Variants in STK10 observed in about 807,000 individuals in gnomAD.
STK10 encodes the protein serine/threonine-protein kinase 10.
STK10 carries 78 observed loss-of-function variants against 113.8 expected under a neutral mutation model. The ratio of observed to expected loss-of-function variants is 0.69; its 90% CI spans 0.57 to 0.83. The LOEUF (loss-of-function observed/expected upper bound fraction) is 0.83. STK10 is among the 40% of genes least tolerant of loss of function. STK10 has a pLI of 0.00. For missense variants in STK10, 1,109 were observed against 1,280.1 expected, an observed-to-expected ratio of 0.87 and a Z score of 2.04; for synonymous variants, 465 against 494.7, an observed-to-expected ratio of 0.94 and a Z score of 0.80.
At chr5:172,065,495 G>T (rs1214273293) in intron 12 of STK10, among the ~76,000 whole-genome samples, 1 of 152,050 alleles carries the variant, frequency 6.6e-6, no homozygotes, top group Non-Finnish European at 1.5e-5. Context: ...AAAGTGCAGG[G>T]ATTACAGGCA....
Position 172,056,617 on chromosome 5 carries a change from T to C in STK10, c.2337+732A>G, listed in dbSNP as rs189594718. Among the ~76,000 whole-genome samples the C allele has an allele frequency of 1.7e-3, 255 of 151,986 alleles. 2 individuals carry two copies. In the East Asian group the frequency reaches 0.042, roughly 25 times the overall value. ...GCACAGTGGCTCACGCCTGTAATCC[T>C]GGCACTTTGGGAGGCCAAGGCGGGC... On this transcript the variant is annotated intron_variant, in intron 15 of 18. Coordinates refer to ENST00000176763, the MANE Select transcript of STK10 (RefSeq NM_005990.4).
Position 172,093,446 on chromosome 5 carries a change from G to A in STK10, c.1520C>T (p.Ser507Leu), listed in dbSNP as rs780841587. The change falls in exon 9 of 19, where the codon TCG (serine) becomes TTG (leucine). Residue 507 changes from serine (S) to leucine (L), a missense_variant. Physicochemically the swap from Ser to Leu is moderately radical, Grantham distance 145 (BLOSUM62 -2). Transcript: ENST00000176763. This position sits in a 1 kb window ranked among gnomAD's most constrained non-coding sequence, Gnocchi z 4.1. ...CAGAGAGCCCATCTCTTTGTTCAGC[G>A]ACAGGTCAGTGGAGAGATTGGTACC... ...DYGTNLSTDL[S>L]LNKEMGSLSI... 2.5e-6 allele frequency: 4 copies of A among 1,609,898 alleles called. No individual in the cohort carries two copies. Among genetic ancestry groups the A allele is most frequent in the African/African-American group, 1.3e-5 (1 of 74,864 alleles).
chr5:172,187,653 C>A lies in STK10; in HGVS notation c.156+234G>T, dbSNP rs1175299189. Among the ~76,000 whole-genome samples the A allele has an allele frequency of 6.6e-6, 1 of 152,242 alleles. No individual in the cohort carries two copies. Among genetic ancestry groups the A allele is most frequent in the Non-Finnish European group, 1.5e-5 (1 of 68,046 alleles). On this transcript the variant is annotated intron_variant, in intron 1 of 18. Coordinates refer to ENST00000176763, the MANE Select transcript of STK10 (RefSeq NM_005990.4). This position sits in a 1 kb window ranked among gnomAD's most constrained non-coding sequence, Gnocchi z 4.6. ...ACACAGGAAGTGCTCCGAAACAGGG[C>A]TAGGGTGGGGGCGGCAACCGTGCCC... is the stretch of plus-strand genomic sequence containing the variant.
intron 15 of STK10, 198 bp downstream of exon 15, chr5:172,057,151 C>T: frequency 1.5e-6 from 1 of 656,552 alleles, no homozygotes; most frequent in Non-Finnish European, 2.5e-6. Flanking sequence ...ATCGTTTCCC[C>T]TATTCCTAGC....
chr5:172,059,974 C>T (rs1023690789), intron 14 of STK10, among the ~76,000 whole-genome samples: 3 of 152,178 alleles, frequency 2.0e-5, no homozygotes, highest in Non-Finnish European at 2.9e-5. Flanking sequence ...ATGATCTAAA[C>T]GTTTGTGTCC....
intron 12 of STK10, among the ~76,000 whole-genome samples, chr5:172,079,686 G>A (rs1241605329): frequency 5.3e-5 from 8 of 151,942 alleles, no homozygotes; most frequent in East Asian, 1.9e-4. Flanking sequence ...TCAGCCTCCC[G>A]AGTAGCTGGG....
rs1191492490 is a variant in STK10 at position 172,188,084 on chromosome 5, C to A, written c.-42G>T. The A allele has an allele frequency of 1.3e-6, 2 of 1,596,510 alleles. No homozygotes were observed. The highest frequency in any genetic ancestry group is 3.5e-5 in the Admixed American group (2 of 57,340). Reference sequence around the variant, plus strand: ...GCGCCGGCTCGGGCTCGGGCTCGGGCTCGGGCTGTGGCTTCGGCGGCCGCG... The same window carrying A: ...GCGCCGGCTCGGGCTCGGGCTCGGGATCGGGCTGTGGCTTCGGCGGCCGCG... On this transcript the variant is annotated 5_prime_UTR_variant, in exon 1 of 19. Coordinates refer to ENST00000176763, the MANE Select transcript of STK10 (RefSeq NM_005990.4). The surrounding 1 kb of genome is among the most constrained non-coding windows in gnomAD (Gnocchi z 5.6).
At chr5:172,117,365 G>C (rs1769410304) in intron 4 of STK10, 116 bp downstream of exon 4, 1 of 1,205,882 alleles carries the variant, frequency 8.3e-7, no homozygotes, top group Admixed American at 2.2e-5. Flanking sequence ...AGAGGGCGTA[G>C]GCGTGAGGAC....
At chr5:172,117,701 G>GC (rs1769418256) in intron 3 of STK10, 71 bp from the exon 4 acceptor site, 4 of 1,583,594 alleles carry the variant, frequency 2.5e-6, no homozygotes, top group Middle Eastern at 3.7e-4. Flanking sequence ...TCAGGCCCAC[G>GC]CCAGGGAGAA....
At position 172,187,110 on chromosome 5, in the gene STK10, A is replaced by T. The variant is rs919214114; in HGVS notation, c.156+777T>A. Among the ~76,000 whole-genome samples the T allele has an allele frequency of 2.0e-5, 3 of 152,296 alleles. No individual in the cohort carries two copies. The highest frequency in any genetic ancestry group is 2.0e-4 in the Admixed American group (3 of 15,296). On this transcript the variant is annotated intron_variant, in intron 1 of 18. Transcript: ENST00000176763. This position sits in a 1 kb window ranked among gnomAD's most constrained non-coding sequence, Gnocchi z 4.6. Reference sequence around the variant, plus strand: ...ACTCACCACCTCAGAATTAGCTCCCAGGAGCAGAAACCAACGTCCTGCTGC... The same window carrying T: ...ACTCACCACCTCAGAATTAGCTCCCTGGAGCAGAAACCAACGTCCTGCTGC...
chr5:172,138,001 A>G (rs981554510), intron 2 of STK10, among the ~76,000 whole-genome samples: 6 of 152,162 alleles, frequency 3.9e-5, no homozygotes, highest in African/African-American at 1.2e-4. Flanking sequence ...GATCACGAAC[A>G]AGGCAAAAAT....
In STK10 at chr5:172,093,523, G is replaced by A. The variant is rs1180039945; in HGVS notation, c.1443C>T (p.Ser481=). Residue 481 remains serine (S), a synonymous_variant, in exon 9 of 19, where the codon TCC becomes TCT. Coordinates refer to ENST00000176763, the MANE Select transcript of STK10 (RefSeq NM_005990.4). The surrounding 1 kb of genome is among the most constrained non-coding windows in gnomAD (Gnocchi z 4.1). ...EPPAQAAPGP[S]KRDSDCSSLC... is the part of the protein sequence containing the mutation. The stretch of plus-strand genomic sequence containing the variant: ...GGCTGCTGCAGTCCGAGTCCCTCTT[G>A]GAAGGCCCTGGAGCTGCCTGGGCAG... 1.1e-5 allele frequency: 18 copies of A among 1,614,208 alleles called. No individual in the cohort carries two copies. Among genetic ancestry groups the A allele is most frequent in the Admixed American group, 1.7e-5 (1 of 60,024 alleles).
chr5:172,136,864 C>T (rs1039119650), intron 2 of STK10, among the ~76,000 whole-genome samples: 12 of 151,432 alleles, frequency 7.9e-5, no homozygotes, highest in African/African-American at 1.9e-4. Flanking sequence ...CTGGGATACA[C>T]GTGCAGAACA....
chr5:172,187,048 G>A lies in STK10; in HGVS notation c.156+839C>T, dbSNP rs73315910. Reference sequence around the variant, plus strand: ...CAGTAAAAATTTTCTTAGGGGAAAGGGGGGAGTCAAGCTGTAGGTGTTGGC... The same window carrying A: ...CAGTAAAAATTTTCTTAGGGGAAAGAGGGGAGTCAAGCTGTAGGTGTTGGC... On this transcript the variant is annotated intron_variant, in intron 1 of 18. Coordinates refer to ENST00000176763, the MANE Select transcript of STK10 (RefSeq NM_005990.4). This position sits in a 1 kb window ranked among gnomAD's most constrained non-coding sequence, Gnocchi z 4.6. Among the ~76,000 whole-genome samples the A allele has an allele frequency of 6.6e-6, 1 of 152,060 alleles. No homozygotes were observed. Among genetic ancestry groups the A allele is most frequent in the Non-Finnish European group, 1.5e-5 (1 of 68,020 alleles).
chr5:172,087,107 A>AGTGT (rs201052929), intron 10 of STK10, among the ~76,000 whole-genome samples: 4,681 of 128,894 alleles, frequency 0.036, 169 homozygotes, highest in African/African-American at 0.085. Flanking sequence ...AGATGACACC[A>AGTGT]GTGTGTGTGT....
chr5:172,114,359 C>T (rs962991313), intron 4 of STK10, among the ~76,000 whole-genome samples: 8 of 145,048 alleles, frequency 5.5e-5, no homozygotes, highest in Admixed American at 1.4e-4. Flanking sequence ...TTATTAAAAA[C>T]TCATTATTTT....
Position 172,175,346 on chromosome 5 carries a change from A to C in STK10, c.156+12541T>G, listed in dbSNP as rs115336892. Among the ~76,000 whole-genome samples the C allele has an allele frequency of 5.1e-3, 783 of 152,206 alleles. 9 individuals are homozygous for C. The highest frequency in any genetic ancestry group is 0.018 in the African/African-American group (755 of 41,520). ...AATGCATCACAGGGGAAGCAGAGAG[A>C]AAGGGGAAGAGAAAGAGTGAAGTGG... On this transcript the variant is annotated intron_variant, in intron 1 of 18. Transcript: ENST00000176763.
In STK10 at chr5:172,061,309, C is replaced by G. The variant is rs754936824; in HGVS notation, c.2083-41G>C. 4 of 1,575,556 alleles carry G rather than the reference C, an allele frequency of 2.5e-6. No homozygotes were observed. The South Asian group carries it at 3.4e-5, about 14-fold the overall frequency. ...AGGACAGGCCTTTATCCAGAGCCGG[C>G]TTGGGCACCTCCATGTCTCTTCCTA... On this transcript the variant is annotated intron_variant, in intron 13 of 18. Coordinates refer to ENST00000176763, the MANE Select transcript of STK10 (RefSeq NM_005990.4).
chr5:172,121,872 C>CTTT (rs35742153), intron 3 of STK10, among the ~76,000 whole-genome samples: 29 of 142,290 alleles, frequency 2.0e-4, no homozygotes, highest in African/African-American at 7.5e-4. Flanking sequence ...AGCTAATATA[C>CTTT]TTTTTTTTTT....
Sources: gnomAD v4.1 joint callset for allele counts (sites outside exome capture counted in the v4.1 genomes callset) on GRCh38, gnomAD v4.1.1 for gene constraint, Gnocchi (gnomAD v3.1) non-coding constraint, MANE v1.5 for transcripts, NCBI Gene and HGNC (gene_info 2026-07-23, HGNC 2026-07-21) for gene names.